Variants in CEP350 observed in about 807,000 individuals in gnomAD.
CEP350 encodes centrosome-associated protein 350.
In CEP350, 126 loss-of-function variants were observed where a neutral mutation model predicts 331.8. The observed-to-expected ratio is 0.38, with a 90% CI of 0.33 to 0.44. CEP350 has a LOEUF of 0.44. Among genes scored for constraint, CEP350 ranks in the 20% least tolerant of loss-of-function variants. CEP350 has a pLI of 1.00. For synonymous variants in CEP350, 1,200 were observed against 1,259.5 expected, an observed-to-expected ratio of 0.95 and a Z score of 1.00; for missense variants, 3,406 against 3,634.6, an observed-to-expected ratio of 0.94 and a Z score of 1.62.
intron 22 of CEP350, chr1:180,052,243 C>A: frequency 2.2e-6 from 1 of 453,536 alleles, no homozygotes; most frequent in Non-Finnish European, 4.4e-6. Flanking sequence ...CTTGCTCTGT[C>A]ACCCAGGCTG....
chr1:180,041,682 G>T lies in CEP350; in HGVS notation c.4242G>T (p.Gln1414His). ...KAAQVHAESL[Q>H]QVVQSQREVT... The stretch of plus-strand genomic sequence containing the variant: ...TAAAGGTCCATGCAGAATCATTACA[G>T]CAGGTGGTTCAATCACAACGGGAAG... The change falls in exon 19 of 38, where the codon CAG becomes CAT. Residue 1414 changes from glutamine to histidine, a missense_variant. Transcript: ENST00000367607. 6.2e-7 allele frequency: 1 copy of T among 1,613,584 alleles called. No homozygotes were observed. The highest frequency in any genetic ancestry group is 8.5e-7 in the Non-Finnish European group (1 of 1,179,716).
intron 16 of CEP350, among the ~76,000 whole-genome samples, chr1:180,035,434 T>C (rs1048356603): frequency 7.9e-5 from 12 of 152,228 alleles, no homozygotes; most frequent in African/African-American, 2.9e-4. Flanking sequence ...AGTGCCTGGC[T>C]TCAAAGCTTC....
intron 37 of CEP350, among the ~76,000 whole-genome samples, chr1:180,107,866 T>TA (rs1228774574): frequency 1.4e-5 from 2 of 144,462 alleles, no homozygotes; most frequent in African/African-American, 5.0e-5. Flanking sequence ...AAAAAACTGT[T>TA]AGTCTTTTAG....
At chr1:180,015,051 G>A (rs190687696) in intron 10 of CEP350, among the ~76,000 whole-genome samples, 1 of 152,228 alleles carries the variant, frequency 6.6e-6, no homozygotes, top group East Asian at 1.9e-4. Flanking sequence ...TTAAGTGGAA[G>A]TGGATCATCA....
intron 34 of CEP350, among the ~76,000 whole-genome samples, chr1:180,094,963 C>T (rs1352486406): frequency 6.6e-6 from 1 of 152,188 alleles, no homozygotes; most frequent in Admixed American, 6.5e-5. Context: ...TGAACAAATT[C>T]GTTCCATGGA....
chr1:180,095,880 G>A lies in CEP350; in HGVS notation c.8869G>A (p.Ala2957Thr). Residue 2957 changes from alanine (A) to threonine (T), a missense_variant, in exon 35 of 38, where the codon GCC (alanine) becomes ACC (threonine). Coordinates refer to ENST00000367607, the MANE Select transcript of CEP350 (RefSeq NM_014810.5). ...TATTCCTACAAAACTGCTTGGCTGT[G>A]CCAGTAAAGGTCTAGATATAGAAAG... ...ISIPTKLLGC[A>T]SKGLDIESTS... 4 of 1,612,498 alleles carry A rather than the reference G, an allele frequency of 2.5e-6. No individual in the cohort carries two copies. Among genetic ancestry groups the A allele is most frequent in the Non-Finnish European group, 3.4e-6 (4 of 1,179,342 alleles).
intron 1 of CEP350, chr1:179,968,656 A>AG (rs1481922966): frequency 4.6e-6 from 2 of 439,328 alleles, no homozygotes; most frequent in African/African-American, 4.1e-5. Flanking sequence ...TGTAACTTAA[A>AG]GGGAAACTTT....
At chr1:179,982,020 A>G (rs1652304047) in intron 1 of CEP350, among the ~76,000 whole-genome samples, 1 of 152,128 alleles carries the variant, frequency 6.6e-6, no homozygotes, top group Non-Finnish European at 1.5e-5. Flanking sequence ...CTCAAAAACT[A>G]GAATTATAAA....
rs1300735180 is a variant in CEP350, at chr1:180,011,958, T to C, written c.1276T>C (p.Trp426Arg). Residue 426 changes from tryptophan to arginine, a missense_variant, in exon 9 of 38, where the codon TGG (tryptophan) becomes CGG (arginine). By Grantham distance (101) the Trp-to-Arg change is moderately radical (BLOSUM62 -3). Transcript: ENST00000367607. ...TAGTCATCTTATAAGTACATCTTCT[T>C]GGCGAGATGGACAAAAATTAGTAAA... The part of the protein sequence containing the change: ...GSSHLISTSS[W>R]RDGQKLVKKI... The C allele has an allele frequency of 6.2e-7, 1 of 1,602,804 alleles. No individual in the cohort carries two copies. Among genetic ancestry groups the C allele is most frequent in the Admixed American group, 1.7e-5 (1 of 58,376 alleles).
intron 14 of CEP350, among the ~76,000 whole-genome samples, chr1:180,029,260 T>C (rs1655859031): frequency 6.6e-6 from 1 of 152,194 alleles, no homozygotes; most frequent in African/African-American, 2.4e-5. Flanking sequence ...AGGCCTTTCT[T>C]GCACAGAATG....
At chr1:180,041,556 G>A (rs1404272417) in intron 18 of CEP350, 106 bp from the exon 19 acceptor site, 8 of 1,126,390 alleles carry the variant, frequency 7.1e-6, no homozygotes, top group Non-Finnish European at 9.9e-6. Context: ...GTAGTAAAGT[G>A]TTTTTTACTA....
Position 180,054,457 on chromosome 1 carries a change from C to A in CEP350, c.5217C>A (p.Leu1739=). The A allele has an allele frequency of 1.2e-6, 2 of 1,601,902 alleles. 1 individual carries two copies. Among genetic ancestry groups the A allele is most frequent in the South Asian group, 2.3e-5 (2 of 88,348 alleles). ...DKGEDDKMPP[L]RKKQRGLLLR... ...GAGAGGATGATAAAATGCCCCCGCT[C>A]CGGAAGAAACAGCGTGGTTTGCTTT... The change falls in exon 25 of 38, where the codon CTC becomes CTA. Residue 1739 remains leucine (L), a synonymous_variant. Transcript: ENST00000367607.
intron 37 of CEP350, among the ~76,000 whole-genome samples, chr1:180,108,703 G>C (rs1476393117): frequency 6.6e-6 from 1 of 152,124 alleles, no homozygotes; most frequent in Non-Finnish European, 1.5e-5. Flanking sequence ...TCCATGGTAG[G>C]TTGACAAGTA....
chr1:180,063,094 T>A (rs935982914), intron 26 of CEP350, among the ~76,000 whole-genome samples: 6 of 152,116 alleles, frequency 3.9e-5, no homozygotes, highest in Non-Finnish European at 7.4e-5. Flanking sequence ...GGAGACTGTT[T>A]TACTATTTAC....
At chr1:179,960,002 C>T (rs1190995151) in intron 1 of CEP350, among the ~76,000 whole-genome samples, 81 of 152,184 alleles carry the variant, frequency 5.3e-4, no homozygotes, top group Non-Finnish European at 2.1e-4. Flanking sequence ...CCCCAAACAC[C>T]TCTAATATTA....
intron 37 of CEP350, among the ~76,000 whole-genome samples, chr1:180,103,460 G>A (rs1660944455): frequency 6.6e-6 from 1 of 152,048 alleles, no homozygotes; most frequent in Non-Finnish European, 1.5e-5. Flanking sequence ...TACCCTATCT[G>A]CTTAAGTAAT....
chr1:180,062,228 A>G lies in CEP350; in HGVS notation c.5271A>G (p.Ile1757Met), dbSNP rs748929856. Residue 1757 changes from isoleucine (I) to methionine (M), a missense_variant, in exon 26 of 38, where the codon ATA becomes ATG. Physicochemically the swap from Ile to Met is conservative, Grantham distance 10. Transcript: ENST00000367607. ...LLRLQQEKAE[I>M]KRLQEANKAA... Reference sequence around the variant, plus strand: ...AACTCTTTAAACCTTAGGCAGAAATAAAACGTCTTCAAGAAGCCAATAAGG... The same window carrying G: ...AACTCTTTAAACCTTAGGCAGAAATGAAACGTCTTCAAGAAGCCAATAAGG... The G allele has an allele frequency of 6.2e-7, 1 of 1,609,264 alleles. No homozygotes were observed. The highest frequency in any genetic ancestry group is 2.2e-5 in the East Asian group (1 of 44,750).
intron 18 of CEP350, 132 bp downstream of exon 18, chr1:180,041,380 G>T (rs1446165598): frequency 1.4e-6 from 1 of 701,240 alleles, no homozygotes; most frequent in African/African-American, 1.8e-5. Context: ...ACTTTTTATG[G>T]GATAATGCCA....
At chr1:179,957,670 A>T in intron 1 of CEP350, among the ~76,000 whole-genome samples, 1 of 152,200 alleles carries the variant, frequency 6.6e-6, no homozygotes, top group East Asian at 1.9e-4. Context: ...AGCACACCTC[A>T]ACTCTTGGGA....
Sources: allele counts gnomAD v4.1 joint callset (sites outside exome capture counted in the v4.1 genomes callset), GRCh38; gene constraint gnomAD v4.1.1; transcripts MANE v1.5; gene names NCBI Gene and HGNC (gene_info 2026-07-23, HGNC 2026-07-21).